Variants in CNOT2 observed in about 807,000 individuals in gnomAD.
The protein encoded by CNOT2 is CC chemokine receptor 4-negative regulator of transcription 2.
Under a neutral mutation model 72.1 loss-of-function variants are expected in CNOT2, and 7 were observed. That is an observed-to-expected ratio of 0.10 (90% CI 0.06 to 0.18). The LOEUF (loss-of-function observed/expected upper bound fraction) is 0.18. Ranked by LOEUF, CNOT2 falls within the 10% of genes least tolerant of loss-of-function variation. CNOT2 has a pLI of 1.00. For missense variants in CNOT2, 345 were observed against 660.3 expected (o/e 0.52, Z 5.23); for synonymous variants, 196 against 225.6 (o/e 0.87, Z 1.17).
intron 2 of CNOT2, among the ~76,000 whole-genome samples, chr12:70,296,485 G>A (rs960124677): frequency 2.6e-5 from 4 of 151,794 alleles, no homozygotes; most frequent in African/African-American, 9.7e-5. Flanking sequence ...CCATGCTATC[G>A]ATTTGATGAT....
intron 2 of CNOT2, among the ~76,000 whole-genome samples, chr12:70,295,464 C>T (rs1872663740): frequency 1.3e-5 from 2 of 152,072 alleles, no homozygotes; most frequent in Non-Finnish European, 2.9e-5. Flanking sequence ...CCCTTCCTTC[C>T]TCCCTCTTTA....
At chr12:70,301,667 A>T (rs1296567564) in intron 2 of CNOT2, 2 of 152,190 alleles carry the variant, frequency 1.3e-5, no homozygotes, top group Non-Finnish European at 2.9e-5. Flanking sequence ...TATCAAGGAT[A>T]TTGGTCTAAA....
chr12:70,269,247 G>A (rs1292246799), intron 1 of CNOT2, among the ~76,000 whole-genome samples: 1 of 151,218 alleles, frequency 6.6e-6, no homozygotes, highest in African/African-American at 2.4e-5. Context: ...TCTGAAACAA[G>A]GTGTTTAAAC....
intron 9 of CNOT2, 21 bp downstream of exon 9, chr12:70,337,534 T>C (rs1880868898): frequency 1.9e-6 from 3 of 1,607,026 alleles, no homozygotes; most frequent in Non-Finnish European, 2.6e-6. Context: ...GAGAAGTGTG[T>C]ATGTGAGTGA....
At chr12:70,315,075 G>T (rs1337592523) in intron 3 of CNOT2, among the ~76,000 whole-genome samples, 1 of 152,024 alleles carries the variant, frequency 6.6e-6, no homozygotes, top group Admixed American at 6.6e-5. Context: ...TGTTGGTCAG[G>T]CCGGTCACGA....
intron 1 of CNOT2, among the ~76,000 whole-genome samples, chr12:70,245,809 C>T (rs1228634907): frequency 6.6e-6 from 1 of 152,090 alleles, no homozygotes; most frequent in East Asian, 1.9e-4. Flanking sequence ...TTTGTTTTTG[C>T]TTTATAACTT....
intron 3 of CNOT2, among the ~76,000 whole-genome samples, chr12:70,317,384 G>C (rs1877513812): frequency 6.6e-6 from 1 of 151,666 alleles, no homozygotes. Context: ...ATATATTCTT[G>C]TTCTTGCAAT....
At position 70,310,946 on chromosome 12, in the gene CNOT2, G is replaced by A. The variant is rs761266832; in HGVS notation, c.100G>A (p.Asp34Asn). 5.6e-6 allele frequency: 9 copies of A among 1,609,522 alleles called. No individual in the cohort carries two copies. Among genetic ancestry groups the A allele is most frequent in the African/African-American group, 2.7e-5 (2 of 74,806 alleles). Residue 34 changes from aspartate (D) to asparagine (N), a missense_variant, in exon 3 of 16, where the codon GAC becomes AAC. Transcript: ENST00000229195. ...ASRKKFVEGV[D>N]SDYHDENMYY... ...AAGAAAGAAGTTTGTAGAGGGGGTC[G>A]ACAGTGACTACCATGACGAAAACAT... is the stretch of plus-strand genomic sequence containing the variant.
chr12:70,296,325 C>G (rs1235794293), intron 2 of CNOT2, among the ~76,000 whole-genome samples: 1 of 152,080 alleles, frequency 6.6e-6, no homozygotes, highest in African/African-American at 2.4e-5. Flanking sequence ...AGGTCCCTAG[C>G]TTTCTACTAA....
chr12:70,343,711 G>A (rs1039801302), intron 13 of CNOT2, among the ~76,000 whole-genome samples: 1 of 152,126 alleles, frequency 6.6e-6, no homozygotes, highest in African/African-American at 2.4e-5. Flanking sequence ...CATTTGACAA[G>A]TAAAGCTAAG....
intron 8 of CNOT2, chr12:70,336,375 T>A (rs915244755): frequency 2.0e-5 from 3 of 152,208 alleles, no homozygotes; most frequent in Admixed American, 6.6e-5. Context: ...AATGTAGATA[T>A]GAAAATTCTG....
intron 5 of CNOT2, 199 bp downstream of exon 5, chr12:70,329,769 A>G (rs776543286): frequency 5.0e-4 from 261 of 525,900 alleles, no homozygotes; most frequent in Middle Eastern, 1.0e-3. Flanking sequence ...CAGCTCGCAT[A>G]CTGGTTGTCA....
Position 70,304,950 on chromosome 12 carries a change from C to A in CNOT2, c.49-5945C>A, listed in dbSNP as rs931154125. On this transcript the variant is annotated intron_variant, in intron 2 of 15. Coordinates refer to ENST00000229195, the MANE Select transcript of CNOT2 (RefSeq NM_014515.7). ...GCTGTGCTAGCAATGAGCCGGGCTC[C>A]GTGGGCGTAGGACCCTCTGAGCCAG... 3.9e-5 allele frequency among the ~76,000 whole-genome samples: 6 copies of A among 152,320 alleles called. 1 individual carries two copies. In the East Asian group the frequency reaches 1.2e-3, roughly 29 times the overall value.
At chr12:70,291,012 AAT>A (rs1048910615) in intron 2 of CNOT2, among the ~76,000 whole-genome samples, 6 of 152,318 alleles carry the variant, frequency 3.9e-5, no homozygotes, top group African/African-American at 1.4e-4. Context: ...TAGAATGAAA[AAT>A]AAAACAGTAC....
chr12:70,343,428 A>T (rs1406418865), intron 13 of CNOT2, among the ~76,000 whole-genome samples: 1 of 152,200 alleles, frequency 6.6e-6, no homozygotes, highest in Non-Finnish European at 1.5e-5. Flanking sequence ...GTAAGCAGTT[A>T]TGTTTCTACC....
At chr12:70,346,084 A>T (rs922053310) in intron 14 of CNOT2, 96 bp from the exon 15 acceptor site, 74 of 650,672 alleles carry the variant, frequency 1.1e-4, no homozygotes, top group Non-Finnish European at 1.7e-4. Context: ...TTTATGTGTA[A>T]TTTTTTTTTT....
intron 2 of CNOT2, among the ~76,000 whole-genome samples, chr12:70,286,627 T>C (rs1870942900): frequency 2.0e-5 from 3 of 149,964 alleles, no homozygotes; most frequent in Non-Finnish European, 3.0e-5. Flanking sequence ...CAATATCATG[T>C]TTTCTTAAAT....
At chr12:70,322,260 T>C (rs1247774969) in intron 4 of CNOT2, 2 of 151,812 alleles carry the variant, frequency 1.3e-5, no homozygotes, top group African/African-American at 4.8e-5. Context: ...TTGCCTGAAA[T>C]CACAGTTTCC....
chr12:70,343,429 T>A (rs899798183), intron 13 of CNOT2, among the ~76,000 whole-genome samples: 4 of 152,222 alleles, frequency 2.6e-5, no homozygotes, highest in Non-Finnish European at 5.9e-5. Flanking sequence ...TAAGCAGTTA[T>A]GTTTCTACCT....
Sources: gnomAD v4.1 joint callset for allele counts (sites outside exome capture counted in the v4.1 genomes callset) on GRCh38, gnomAD v4.1.1 for gene constraint, MANE v1.5 for transcripts, NCBI Gene and HGNC (gene_info 2026-07-23, HGNC 2026-07-21) for gene names.